Variants in BTRC observed in about 807,000 individuals in gnomAD.
BTRC encodes the protein F-box/WD repeat-containing protein 1A.
A neutral mutation model predicts 85.5 loss-of-function variants in BTRC; 42 were observed. The observed-to-expected ratio is 0.49, with a 90% CI of 0.38 to 0.64. The LOEUF (loss-of-function observed/expected upper bound fraction) is 0.64, where lower values mean the gene tolerates loss of function less well. Among genes scored for constraint, BTRC ranks in the 30% least tolerant of loss-of-function variants. The pLI is 0.00. For missense variants in BTRC, 594 were observed against 743.5 expected (o/e 0.80, Z 2.34); for synonymous variants, 255 against 263.3 (o/e 0.97, Z 0.30).
At chr10:101,456,275 G>A (rs974379264) in intron 2 of BTRC, among the ~76,000 whole-genome samples, 1 of 152,154 alleles carries the variant, frequency 6.6e-6, no homozygotes, top group South Asian at 2.1e-4. Context: ...TAATAGCACT[G>A]GTAAGAGGTG....
chr10:101,491,620 C>T (rs1346774660), intron 4 of BTRC, among the ~76,000 whole-genome samples: 1 of 151,968 alleles, frequency 6.6e-6, no homozygotes, highest in Non-Finnish European at 1.5e-5. Context: ...TTGCTTGAAC[C>T]CAGGAGGCGG....
chr10:101,387,650 C>G (rs1412653803), intron 1 of BTRC, among the ~76,000 whole-genome samples: 2 of 150,240 alleles, frequency 1.3e-5, no homozygotes, highest in African/African-American at 4.9e-5. Context: ...CCTCACCTTC[C>G]CGAGTTGTTG....
Position 101,534,832 on chromosome 10 carries a change from C to CG in BTRC, c.1271dup (p.His425ThrfsTer11). ...ACATTACCCTCCGGAGGGTGCTGGT[C>CG]GGACACCGAGCTGCTGTCAATGTTG... On this transcript the variant is annotated frameshift_variant, in exon 10 of 15. Transcript: ENST00000370187. LOFTEE classifies it high-confidence loss of function. 1 of 1,613,988 alleles carries CG rather than the reference C, an allele frequency of 6.2e-7. No individual in the cohort carries two copies. The highest frequency in any genetic ancestry group is 8.5e-7 in the Non-Finnish European group (1 of 1,179,930).
chr10:101,354,149 G>T (rs770381892), upstream of BTRC: 1 of 1,548,202 alleles, frequency 6.5e-7, no homozygotes, highest in African/African-American at 1.4e-5. Flanking sequence ...GGGCGGCCCC[G>T]GCGGAGAGCG....
chr10:101,486,329 A>G (rs1945985973), intron 4 of BTRC, among the ~76,000 whole-genome samples: 1 of 152,030 alleles, frequency 6.6e-6, no homozygotes, highest in Non-Finnish European at 1.5e-5. Flanking sequence ...TGGGGGCTGG[A>G]GCATTCGGCT....
chr10:101,389,164 C>G (rs557936594), intron 1 of BTRC, among the ~76,000 whole-genome samples: 1 of 104,962 alleles, frequency 9.5e-6, no homozygotes, highest in South Asian at 3.5e-4. Context: ...TCTTCCCATA[C>G]TAATAAATGG....
intron 14 of BTRC, among the ~76,000 whole-genome samples, chr10:101,552,517 C>T (rs1339919268): frequency 6.6e-6 from 1 of 152,046 alleles, no homozygotes; most frequent in Non-Finnish European, 1.5e-5. Flanking sequence ...TCTTCCTTAT[C>T]TGAGTTCCTT....
chr10:101,489,904 C>T (rs1946085086), intron 4 of BTRC, among the ~76,000 whole-genome samples: 1 of 152,126 alleles, frequency 6.6e-6, no homozygotes, highest in African/African-American at 2.4e-5. Context: ...AAGAAACTCC[C>T]TTGTAATTTC....
intron 3 of BTRC, among the ~76,000 whole-genome samples, chr10:101,474,873 C>G (rs1195299002): frequency 1.3e-5 from 2 of 152,174 alleles, no homozygotes; most frequent in African/African-American, 4.8e-5. Flanking sequence ...CTTTATGTAG[C>G]TTTAAAATGT....
chr10:101,435,783 A>G (rs1944513021), intron 2 of BTRC, among the ~76,000 whole-genome samples: 1 of 152,326 alleles, frequency 6.6e-6, no homozygotes, highest in South Asian at 2.1e-4. Flanking sequence ...GCAATTCTTC[A>G]AAGTGGTTGT....
At position 101,521,522 on chromosome 10, in the gene BTRC, T is replaced by A. The variant is rs978393802; in HGVS notation, c.325-117T>A. On this transcript the variant is annotated intron_variant, in intron 4 of 14. Transcript: ENST00000370187. ...GTTTTCCACGTAATTGCTAATAGAA[T>A]AACAGAGTGGGCTCAATCATGTAGA... 8.2e-6 allele frequency: 6 copies of A among 731,726 alleles called. No homozygotes were observed. The East Asian group carries it at 1.4e-4, about 17-fold the overall frequency. 45.3% of individuals were successfully genotyped at this position (731,726 alleles called of 1,614,324 possible).
At chr10:101,523,702 C>T (rs1331363775) in intron 5 of BTRC, among the ~76,000 whole-genome samples, 1 of 152,080 alleles carries the variant, frequency 6.6e-6, no homozygotes, top group East Asian at 1.9e-4. Context: ...GCCTATAAAG[C>T]TTTGATCATA....
At chr10:101,389,117 G>GTTTTTT (rs1169198314) in intron 1 of BTRC, among the ~76,000 whole-genome samples, 10 of 53,050 alleles carry the variant, frequency 1.9e-4, no homozygotes, top group East Asian at 5.6e-4. Flanking sequence ...TTTTTTGTGT[G>GTTTTTT]TGTTTTTTTT....
At chr10:101,525,962 C>G (rs2062185072) in intron 5 of BTRC, 51 bp from the exon 6 acceptor site, 1 of 1,562,004 alleles carries the variant, frequency 6.4e-7, no homozygotes, top group Non-Finnish European at 8.8e-7. Context: ...TGTAAAAAAT[C>G]ATTCGCCACC....
At chr10:101,367,138 T>C (rs937437417) in intron 1 of BTRC, among the ~76,000 whole-genome samples, 6 of 140,978 alleles carry the variant, frequency 4.3e-5, no homozygotes, top group Non-Finnish European at 9.0e-5. Context: ...TGGCGCGATC[T>C]TGGCTCACTG....
At chr10:101,532,789 T>TGTGTGTGTGTGTGTGC (rs57980548) in intron 8 of BTRC, among the ~76,000 whole-genome samples, 163 bp from the exon 9 acceptor site, 5 of 78,230 alleles carry the variant, frequency 6.4e-5, no homozygotes, top group African/African-American at 3.3e-4. Context: ...TGTGTGTGTG[T>TGTGTGTGTGTGTGTGC]GCGCGTGTGC....
At chr10:101,371,192 T>G (rs1942625741) in intron 1 of BTRC, among the ~76,000 whole-genome samples, 1 of 152,108 alleles carries the variant, frequency 6.6e-6, no homozygotes. Flanking sequence ...TGGTGTTTTT[T>G]TTTTCCCCCA....
At chr10:101,402,347 A>G (rs1310249477) in intron 1 of BTRC, among the ~76,000 whole-genome samples, 1 of 152,198 alleles carries the variant, frequency 6.6e-6, no homozygotes, top group Admixed American at 6.5e-5. Context: ...CTGCTTATGC[A>G]TAGTTATTAG....
chr10:101,368,222 C>G (rs1942526358), intron 1 of BTRC, among the ~76,000 whole-genome samples: 1 of 152,190 alleles, frequency 6.6e-6, no homozygotes, highest in Non-Finnish European at 1.5e-5. Flanking sequence ...CCTTTTCTCT[C>G]TTTTGGTTTC....
Sources: allele counts gnomAD v4.1 joint callset (sites outside exome capture counted in the v4.1 genomes callset), GRCh38; gene constraint gnomAD v4.1.1; transcripts MANE v1.5; gene names NCBI Gene and HGNC (gene_info 2026-07-23, HGNC 2026-07-21).